Variants in STPG2 observed in about 807,000 individuals in gnomAD.
The protein encoded by STPG2 is sperm tail PG-rich repeat containing 2.
STPG2 carries 56 observed loss-of-function variants against 54.2 expected under a neutral mutation model. The observed-to-expected ratio is 1.03, with a 90% CI of 0.83 to 1.29. The LOEUF (loss-of-function observed/expected upper bound fraction) is 1.29, where lower values mean the gene tolerates loss of function less well. STPG2 is among the 50% of genes most tolerant of loss of function. The probability of loss-of-function intolerance (pLI) is 0.00; values close to 1 mark genes in which losing one functional copy is unlikely to be tolerated. For missense variants in STPG2, 596 were observed against 544.9 expected (o/e 1.09, Z -0.93); for synonymous variants, 200 against 181.8 (o/e 1.10, Z -0.81).
intron 5 of STPG2, among the ~76,000 whole-genome samples, chr4:98,043,122 G>T (rs772304294): frequency 6.6e-6 from 1 of 151,846 alleles, no homozygotes; most frequent in Non-Finnish European, 1.5e-5. Flanking sequence ...TTACTAAAGC[G>T]TACTTTTCTA....
chr4:97,843,800 T>C (rs973025895), intron 8 of STPG2, among the ~76,000 whole-genome samples: 3 of 151,912 alleles, frequency 2.0e-5, no homozygotes, highest in Non-Finnish European at 4.4e-5. Context: ...TTTATTCATT[T>C]CTGTCAAGTC....
At chr4:97,791,677 G>T (rs1235214984) in intron 9 of STPG2, among the ~76,000 whole-genome samples, 2 of 151,648 alleles carry the variant, frequency 1.3e-5, no homozygotes, top group Non-Finnish European at 2.9e-5. Context: ...ACTATTATCA[G>T]GATTATTATT....
chr4:97,822,840 A>G (rs1001348341), intron 9 of STPG2, among the ~76,000 whole-genome samples: 2 of 152,224 alleles, frequency 1.3e-5, no homozygotes, highest in African/African-American at 4.8e-5. Context: ...CCCACCAGGC[A>G]CCATCTCCAA....
intron 8 of STPG2, among the ~76,000 whole-genome samples, chr4:97,877,172 G>C (rs181254857): frequency 6.6e-6 from 1 of 152,214 alleles, no homozygotes; most frequent in African/African-American, 2.4e-5. Context: ...AGTTCCTCCA[G>C]TCTAACTGAA....
chr4:97,914,399 T>C (rs1412495647), intron 8 of STPG2, among the ~76,000 whole-genome samples: 5 of 152,120 alleles, frequency 3.3e-5, no homozygotes, highest in African/African-American at 1.2e-4. Flanking sequence ...AAATACTAGG[T>C]CATGAAAAGA....
intron 5 of STPG2, among the ~76,000 whole-genome samples, chr4:97,996,744 AC>A (rs1418773854): frequency 4.9e-5 from 6 of 123,474 alleles, no homozygotes; most frequent in Admixed American, 9.3e-5. Flanking sequence ...CAAAGAACAA[AC>A]AGCCCCCTTT....
intron 9 of STPG2, among the ~76,000 whole-genome samples, chr4:97,814,091 G>T (rs930894451): frequency 6.6e-6 from 1 of 151,826 alleles, no homozygotes; most frequent in Admixed American, 6.6e-5. Context: ...AACAGTAATG[G>T]GATCTGATAG....
intron 10 of STPG2, among the ~76,000 whole-genome samples, chr4:97,599,153 A>G (rs1397679652): frequency 6.6e-6 from 1 of 152,218 alleles, no homozygotes; most frequent in Non-Finnish European, 1.5e-5. Context: ...TATGAAAAAA[A>G]CACTCAACAG....
intron 8 of STPG2, among the ~76,000 whole-genome samples, chr4:97,903,822 CAA>C (rs1025584785): frequency 6.6e-6 from 1 of 152,070 alleles, no homozygotes; most frequent in Non-Finnish European, 1.5e-5. Context: ...CTTTCCTAGT[CAA>C]AAAAAGGGGT....
intron 9 of STPG2, among the ~76,000 whole-genome samples, chr4:97,723,025 A>G (rs1560502435): frequency 6.8e-6 from 1 of 146,552 alleles, no homozygotes; most frequent in African/African-American, 2.5e-5. Context: ...TGTTAGCCAG[A>G]ATGGTCTCCA....
At chr4:97,780,134 A>G (rs1191695387) in intron 9 of STPG2, among the ~76,000 whole-genome samples, 3 of 113,642 alleles carry the variant, frequency 2.6e-5, no homozygotes, top group African/African-American at 1.0e-4. Context: ...ACACAGACTG[A>G]CAAACTGGAT....
At chr4:97,880,423 C>T (rs1017993500) in intron 8 of STPG2, among the ~76,000 whole-genome samples, 1 of 152,032 alleles carries the variant, frequency 6.6e-6, no homozygotes, top group African/African-American at 2.4e-5. Context: ...ATTGTCTTCA[C>T]ACATCACAAA....
intron 4 of STPG2, among the ~76,000 whole-genome samples, chr4:97,445,260 T>C (rs937168109): frequency 2.0e-5 from 3 of 152,124 alleles, no homozygotes; most frequent in Non-Finnish European, 2.9e-5. Context: ...AGATATATAA[T>C]AGAAGCAAAA....
intron 10 of STPG2, among the ~76,000 whole-genome samples, chr4:97,593,758 G>C (rs1422705492): frequency 6.6e-6 from 1 of 152,184 alleles, no homozygotes; most frequent in African/African-American, 2.4e-5. Flanking sequence ...CTACACATCA[G>C]AGTGCTGTGG....
At chr4:97,559,252 C>A in intron 10 of STPG2, 135 bp from the exon 11 acceptor site, 1 of 595,212 alleles carries the variant, frequency 1.7e-6, no homozygotes, top group East Asian at 3.0e-5. Flanking sequence ...ATGATATAAT[C>A]TACTTACATC....
chr4:97,890,772 G>T (rs941426468), intron 8 of STPG2, among the ~76,000 whole-genome samples: 3 of 151,722 alleles, frequency 2.0e-5, no homozygotes, highest in South Asian at 2.1e-4. Context: ...CTATATAAAG[G>T]TATCAAAATA....
Position 98,087,086 on chromosome 4 carries a change from C to A in STPG2, c.612+18867G>T, listed in dbSNP as rs533702983. On this transcript the variant is annotated intron_variant, in intron 5 of 10. Coordinates refer to ENST00000295268, the MANE Select transcript of STPG2 (RefSeq NM_174952.3). ...CAGAAATCCTTGGGTGATTGTTATACAGACACATAAGAGCGTTTTATTTAA... is the reference window on the plus strand; with the variant it reads ...CAGAAATCCTTGGGTGATTGTTATAAAGACACATAAGAGCGTTTTATTTAA... Among the ~76,000 whole-genome samples, 714 of 152,230 alleles carry A rather than the reference C, an allele frequency of 4.7e-3. 8 individuals carry two copies. The highest frequency in any genetic ancestry group is 0.016 in the African/African-American group (665 of 41,542).
intron 8 of STPG2, among the ~76,000 whole-genome samples, chr4:97,871,017 C>G (rs376023079): frequency 6.6e-6 from 1 of 150,524 alleles, no homozygotes; most frequent in African/African-American, 2.4e-5. Context: ...AAAAAAATAG[C>G]CATAAAGACC....
chr4:97,964,585 T>A (rs1261852579), intron 7 of STPG2, among the ~76,000 whole-genome samples: 1 of 152,162 alleles, frequency 6.6e-6, no homozygotes, highest in Non-Finnish European at 1.5e-5. Context: ...AACTAATATC[T>A]AAATTATAAG....
Sources: gnomAD v4.1 joint callset for allele counts (sites outside exome capture counted in the v4.1 genomes callset) on GRCh38, gnomAD v4.1.1 for gene constraint, MANE v1.5 for transcripts, NCBI Gene and HGNC (gene_info 2026-07-23, HGNC 2026-07-21) for gene names.